NTN1: variants seen among roughly 807,000 people sequenced by gnomAD.
NTN1 encodes netrin-1.
NTN1 carries 11 observed loss-of-function variants against 54.2 expected under a neutral mutation model. The observed-to-expected ratio is 0.20, with a 90% CI of 0.13 to 0.34. NTN1 has a LOEUF of 0.34. NTN1 is among the 10% of genes least tolerant of loss of function. The pLI is 1.00. For missense variants in NTN1, 740 were observed against 893.1 expected, an observed-to-expected ratio of 0.83 and a Z score of 2.18; for synonymous variants, 371 against 382.0, an observed-to-expected ratio of 0.97 and a Z score of 0.33.
At chr17:9,125,685 A>G (rs1446399982) in intron 2 of NTN1, among the ~76,000 whole-genome samples, 1 of 152,048 alleles carries the variant, frequency 6.6e-6, no homozygotes, top group Non-Finnish European at 1.5e-5. Flanking sequence ...AGCTCACTGC[A>G]GCTTCAAACT....
chr17:9,009,320 C>A, the NTN1 span, among the ~76,000 whole-genome samples: 1 of 152,178 alleles, frequency 6.6e-6, no homozygotes, highest in African/African-American at 2.4e-5. Flanking sequence ...GCTCTCTGGG[C>A]GACCCCATAA....
chr17:9,045,698 A>G (rs1440692505), intron 2 of NTN1, among the ~76,000 whole-genome samples: 4 of 152,250 alleles, frequency 2.6e-5, no homozygotes, highest in Non-Finnish European at 5.9e-5. Context: ...AGAGATAAAA[A>G]TAAGAGCAGA....
At position 9,151,359 on chromosome 17, in the gene NTN1, G is replaced by A. The variant is rs139547263; in HGVS notation, c.1019-11454G>A. Among the ~76,000 whole-genome samples the A allele has an allele frequency of 3.2e-4, 49 of 152,284 alleles. 2 individuals are homozygous for A. The East Asian group carries it at 8.5e-3, about 26-fold the overall frequency. The stretch of plus-strand genomic sequence containing the variant: ...GCTCCCTAAGCCCTCGACAAACACA[G>A]GCCACTTATCTCCGGGGACTTTATC... On this transcript the variant is annotated intron_variant, in intron 2 of 6. Transcript: ENST00000173229.
At chr17:9,142,727 C>A (rs2092301890) in intron 2 of NTN1, among the ~76,000 whole-genome samples, 1 of 152,028 alleles carries the variant, frequency 6.6e-6, no homozygotes, top group Admixed American at 6.6e-5. Flanking sequence ...GTGAACCAAC[C>A]AACCAACCAA....
the NTN1 span, among the ~76,000 whole-genome samples, chr17:9,003,977 A>G: frequency 6.6e-6 from 1 of 151,706 alleles, no homozygotes; most frequent in African/African-American, 2.4e-5. The surrounding 1 kb of genome is among the most constrained non-coding windows in gnomAD (Gnocchi z 7.4). Flanking sequence ...GGAATCACTC[A>G]CTCGAGTGCC....
At chr17:9,072,248 GT>G (rs561199419) in intron 2 of NTN1, among the ~76,000 whole-genome samples, 8,753 of 131,348 alleles carry the variant, frequency 0.067, 269 homozygotes, top group Non-Finnish European at 0.078. Context: ...GTTATTTGCT[GT>G]TTTTTTTTTT....
At chr17:9,223,093 T>G (rs1905417730) in intron 6 of NTN1, among the ~76,000 whole-genome samples, 1 of 152,186 alleles carries the variant, frequency 6.6e-6, no homozygotes, top group Non-Finnish European at 1.5e-5. Context: ...GGGTCTACAG[T>G]CAATTCCTAA....
At chr17:9,083,059 G>A (rs928632042) in intron 2 of NTN1, among the ~76,000 whole-genome samples, 3 of 151,670 alleles carry the variant, frequency 2.0e-5, no homozygotes, top group African/African-American at 7.3e-5. Flanking sequence ...CTCATTCTCC[G>A]TGTTCTGCCA....
At position 9,235,352 on chromosome 17, in the gene NTN1, C is replaced by T. The variant is rs76421155; in HGVS notation, c.1487-4288C>T. Among the ~76,000 whole-genome samples the T allele has an allele frequency of 4.1e-3, 620 of 152,310 alleles. 5 individuals are homozygous for T. Among genetic ancestry groups the T allele is most frequent in the African/African-American group, 0.014 (581 of 41,546 alleles). On this transcript the variant is annotated intron_variant, in intron 6 of 6. Transcript: ENST00000173229. ...TGCCTTTCTGAGAGCAATCTCATCT[C>T]CTTTCTGAATACATGGTGGGGGATC...
chr17:9,146,837 A>C (rs937788092), intron 2 of NTN1, among the ~76,000 whole-genome samples: 14 of 152,102 alleles, frequency 9.2e-5, no homozygotes, highest in Non-Finnish European at 2.1e-4. Context: ...AGAGCCAGCG[A>C]GGCACTGGGG....
At chr17:9,019,574 G>T (rs1441965025), upstream of NTN1, among the ~76,000 whole-genome samples, 1 of 152,186 alleles carries the variant, frequency 6.6e-6, no homozygotes, top group Non-Finnish European at 1.5e-5. Context: ...TATCCCATCA[G>T]CTATAATATT....
rs547527202 is a variant in NTN1, at chr17:9,033,910, T to G, written c.1018+10519T>G. On this transcript the variant is annotated intron_variant, in intron 2 of 6. Coordinates refer to ENST00000173229, the MANE Select transcript of NTN1 (RefSeq NM_004822.3). ...CCAGCCTGGGCAACAAGAGCGAAAC[T>G]CTGTCTCAAAAAAAAAAAAAAAAAG... 3.2e-5 allele frequency among the ~76,000 whole-genome samples: 4 copies of G among 124,868 alleles called. No homozygotes were observed. The South Asian group carries it at 9.8e-4, about 31-fold the overall frequency. The allele number at this position is 124,868 out of a possible 152,430, so 81.9% of individuals were successfully genotyped here. A position where few individuals can be genotyped will look rare whatever the true frequency, so the allele number is the denominator to read the frequency against.
chr17:9,094,853 G>A (rs2092124929), intron 2 of NTN1, among the ~76,000 whole-genome samples: 1 of 152,062 alleles, frequency 6.6e-6, no homozygotes, highest in Non-Finnish European at 1.5e-5. Context: ...GCCAGGCATG[G>A]TGGCGCATGC....
chr17:9,114,447 TAA>T (rs372338509), intron 2 of NTN1, among the ~76,000 whole-genome samples: 22 of 145,006 alleles, frequency 1.5e-4, no homozygotes, highest in Admixed American at 2.8e-4. Flanking sequence ...TTACTTGAGT[TAA>T]AAAAAAAAAA....
intron 2 of NTN1, among the ~76,000 whole-genome samples, chr17:9,146,373 G>A (rs144269160): frequency 1.3e-5 from 2 of 152,202 alleles, no homozygotes; most frequent in Middle Eastern, 3.4e-3. Context: ...CTCCTGCCCT[G>A]AGCTCATCTC....
intron 3 of NTN1, among the ~76,000 whole-genome samples, chr17:9,170,279 A>T: frequency 6.6e-6 from 1 of 152,242 alleles, no homozygotes; most frequent in East Asian, 1.9e-4. Flanking sequence ...ATGTCCGGGC[A>T]TGTAGCATGC....
intron 2 of NTN1, among the ~76,000 whole-genome samples, chr17:9,059,204 C>G (rs2091988656): frequency 6.6e-6 from 1 of 152,060 alleles, no homozygotes; most frequent in African/African-American, 2.4e-5. Flanking sequence ...CCACAAATAA[C>G]CCTGGGGAAA....
intron 2 of NTN1, among the ~76,000 whole-genome samples, chr17:9,036,174 T>C (rs2091902845): frequency 6.6e-6 from 1 of 152,182 alleles, no homozygotes; most frequent in African/African-American, 2.4e-5. Flanking sequence ...TCAGCTTTAA[T>C]AGACAGTGGT....
chr17:9,130,281 C>G (rs1034308619), intron 2 of NTN1, among the ~76,000 whole-genome samples: 2 of 152,156 alleles, frequency 1.3e-5, no homozygotes, highest in East Asian at 3.9e-4. Context: ...GGCCAGCTCT[C>G]TGTGTCCCTG....
Sources: gnomAD v4.1 joint callset for allele counts (sites outside exome capture counted in the v4.1 genomes callset) on GRCh38, gnomAD v4.1.1 for gene constraint, Gnocchi (gnomAD v3.1) non-coding constraint, MANE v1.5 for transcripts, NCBI Gene and HGNC (gene_info 2026-07-23, HGNC 2026-07-21) for gene names.